Variants in EIF4ENIF1 observed in about 807,000 individuals in gnomAD.
EIF4ENIF1 encodes eukaryotic translation initiation factor 4E nuclear import factor 1, also known as eukaryotic translation initiation factor 4E transporter.
EIF4ENIF1 carries 23 observed loss-of-function variants against 110.5 expected under a neutral mutation model. The observed-to-expected ratio is 0.21, with a 90% CI of 0.15 to 0.29. EIF4ENIF1 has a LOEUF of 0.29. Among genes scored for constraint, EIF4ENIF1 ranks in the 10% least tolerant of loss-of-function variants. The pLI is 1.00. For missense variants in EIF4ENIF1, 1,031 were observed against 1,221.1 expected, an observed-to-expected ratio of 0.84 and a Z score of 2.32; for synonymous variants, 440 against 437.0, an observed-to-expected ratio of 1.01 and a Z score of -0.09.
Position 31,446,838 on chromosome 22 carries a change from CCTAA to C in EIF4ENIF1, c.1988+584_1988+587del, listed in dbSNP as rs552536706. The C allele has an allele frequency of 1.3e-3, 378 of 285,396 alleles. 2 individuals are homozygous for C. Among genetic ancestry groups the C allele is most frequent in the Admixed American group, 3.1e-3 (60 of 19,376 alleles). The allele number at this position is 285,396 out of a possible 1,614,324, so 17.7% of individuals were successfully genotyped here. On this transcript the variant is annotated intron_variant, in intron 14 of 18. Transcript: ENST00000330125. ...TATTGCCACTCCTTTCCCTTTTCTC[CCTAA>C]CTTATGATTAATTTCATTTTACCAT... is the stretch of plus-strand genomic sequence containing the variant.
intron 2 of EIF4ENIF1, among the ~76,000 whole-genome samples, chr22:31,478,515 CAAAAA>C (rs35883412): frequency 1.1e-5 from 1 of 87,730 alleles, no homozygotes; most frequent in Non-Finnish European, 2.1e-5. Context: ...GACTCTGTCT[CAAAAA>C]AAAAAAAAAA....
intron 2 of EIF4ENIF1, chr22:31,479,540 G>A (rs559883292): frequency 2.6e-5 from 4 of 152,170 alleles, no homozygotes; most frequent in East Asian, 1.9e-4. Context: ...AACATTATTC[G>A]TGGAAATACC....
chr22:31,465,580 A>C (rs1445032699), intron 4 of EIF4ENIF1, among the ~76,000 whole-genome samples: 1 of 152,234 alleles, frequency 6.6e-6, no homozygotes, highest in Non-Finnish European at 1.5e-5. Flanking sequence ...GTGGAAACGT[A>C]AAATGGTACA....
In EIF4ENIF1 at chr22:31,455,881, G is replaced by A. The variant is rs1169484945; in HGVS notation, c.1070C>T (p.Thr357Ile). The change falls in exon 8 of 19, where the codon ACA becomes ATA. Residue 357 changes from threonine to isoleucine, a missense_variant. Physicochemically the swap from Thr to Ile is moderately conservative, Grantham distance 89. This residue lies in a region of EIF4ENIF1 where 704 missense variants were observed against 879.7 expected (regional missense o/e 0.80). Transcript: ENST00000330125. ...SGSRSSSLGS[T>I]PHEELERLAG... ...AAGTCTCTCTAGCTCTTCATGTGGT[G>A]TTGACCCAAGACTGCTGGATCGGCT... The A allele has an allele frequency of 2.5e-6, 4 of 1,614,090 alleles. No individual in the cohort carries two copies. In the African/African-American group the frequency reaches 4.0e-5, roughly 16 times the overall value.
intron 2 of EIF4ENIF1, among the ~76,000 whole-genome samples, chr22:31,474,309 T>A (rs767422258): frequency 4.6e-5 from 7 of 151,974 alleles, no homozygotes; most frequent in Non-Finnish European, 8.8e-5. Context: ...GATCTGCCTG[T>A]CTCAGCCTCC....
rs770904708 is a variant in EIF4ENIF1 at position 31,464,675 on chromosome 22, CAAAAAAAAAAAAAAA to C, written c.299-723_299-709del. Among the ~76,000 whole-genome samples, 5 of 30,918 alleles carry C rather than the reference CAAAAAAAAAAAAAAA, an allele frequency of 1.6e-4. 1 individual carries two copies. The highest frequency in any genetic ancestry group is 1.4e-3 in the South Asian group (1 of 708). 20.3% of individuals were successfully genotyped at this position (30,918 alleles called of 152,430 possible). On this transcript the variant is annotated intron_variant, in intron 4 of 18. Coordinates refer to ENST00000330125, the MANE Select transcript of EIF4ENIF1 (RefSeq NM_019843.4). ...TGGGCAAAAGACTAAGATTCAGTCT[CAAAAAAAAAAAAAAA>C]AAAAAAAAAATATATATATATATAT...
chr22:31,456,661 T>TA (rs2050842056), intron 7 of EIF4ENIF1, among the ~76,000 whole-genome samples: 1 of 152,140 alleles, frequency 6.6e-6, no homozygotes, highest in Non-Finnish European at 1.5e-5. Flanking sequence ...ACTACAGGCA[T>TA]ACGCCACCAT....
Position 31,463,653 on chromosome 22 carries a change from A to T in EIF4ENIF1, c.585+28T>A. 1.1e-5 allele frequency: 6 copies of T among 529,704 alleles called. No homozygotes were observed. The South Asian group carries it at 1.6e-4, about 14-fold the overall frequency. The allele number at this position is 529,704 out of a possible 1,614,324, so 32.8% of individuals were successfully genotyped here. A position where few individuals can be genotyped will look rare whatever the true frequency, so the allele number is the denominator to read the frequency against. The stretch of plus-strand genomic sequence containing the variant: ...AAGAGCGAAACTCCGTCTCAATTTA[A>T]AAAAAAAAAAAAAAAAAAAAGACAA... On this transcript the variant is annotated intron_variant, in intron 5 of 18. Coordinates refer to ENST00000330125, the MANE Select transcript of EIF4ENIF1 (RefSeq NM_019843.4).
intron 11 of EIF4ENIF1, among the ~76,000 whole-genome samples, chr22:31,449,753 CAG>C (rs1389681985): frequency 1.4e-5 from 2 of 144,832 alleles, no homozygotes; most frequent in East Asian, 2.0e-4. Context: ...TTTTTTGAGA[CAG>C]AGTCTCACTC....
At chr22:31,442,887 G>C in intron 16 of EIF4ENIF1, 75 bp downstream of exon 16, 2 of 1,564,752 alleles carry the variant, frequency 1.3e-6, no homozygotes, top group Non-Finnish European at 1.7e-6. Flanking sequence ...AGAATATCAG[G>C]CTGGTCAGCG....
intron 10 of EIF4ENIF1, 73 bp from the exon 11 acceptor site, chr22:31,450,433 A>G (rs1212338090): frequency 8.0e-7 from 1 of 1,247,502 alleles, no homozygotes; most frequent in African/African-American, 1.5e-5. Flanking sequence ...GGGGACCACA[A>G]GAAAGCATAA....
At position 31,448,103 on chromosome 22, in the gene EIF4ENIF1, A is replaced by G. The variant is rs368102909; in HGVS notation, c.1848+50T>C. The G allele has an allele frequency of 2.8e-5, 44 of 1,592,876 alleles. No homozygotes were observed. The African/African-American group carries it at 4.8e-4, about 18-fold the overall frequency. ...TCAGCTCTCCACTCCCCATGCACCA[A>G]GAGGGTGAAGGGCAAGCAAGAGATT... On this transcript the variant is annotated intron_variant, in intron 13 of 18. Coordinates refer to ENST00000330125, the MANE Select transcript of EIF4ENIF1 (RefSeq NM_019843.4).
chr22:31,485,015 T>C (rs1361323225), intron 2 of EIF4ENIF1, among the ~76,000 whole-genome samples: 2 of 152,228 alleles, frequency 1.3e-5, no homozygotes, highest in African/African-American at 2.4e-5. Flanking sequence ...ATTATAGTGC[T>C]AGGAACACAT....
chr22:31,463,184 T>C, intron 5 of EIF4ENIF1, 51 bp from the exon 6 acceptor site: 1 of 1,565,658 alleles, frequency 6.4e-7, no homozygotes, highest in Non-Finnish European at 8.7e-7. Context: ...AAGCCATTTC[T>C]ACTTCAGTCA....
At chr22:31,439,042 TTAACTTAC>T (rs2050216937), downstream of EIF4ENIF1, among the ~76,000 whole-genome samples, 1 of 152,198 alleles carries the variant, frequency 6.6e-6, no homozygotes, top group Non-Finnish European at 1.5e-5. Context: ...CAAGAAAAAC[TTAACTTAC>T]TTAAACTTCA....
intron 2 of EIF4ENIF1, among the ~76,000 whole-genome samples, chr22:31,485,022 A>G (rs2051966737): frequency 6.6e-6 from 1 of 152,214 alleles, no homozygotes; most frequent in Non-Finnish European, 1.5e-5. Context: ...TGCTAGGAAC[A>G]CATAATCATT....
downstream of EIF4ENIF1, chr22:31,437,172 G>A (rs2050182905): frequency 1.3e-5 from 2 of 152,098 alleles, no homozygotes; most frequent in South Asian, 2.1e-4. Context: ...CCTTTGGGAG[G>A]GACTATTCTT....
downstream of EIF4ENIF1, chr22:31,439,295 G>A (rs950300195): frequency 1.3e-5 from 2 of 153,312 alleles, no homozygotes; most frequent in Admixed American, 1.3e-4. Flanking sequence ...GGGTGACACA[G>A]AGTGAGACCC....
intron 10 of EIF4ENIF1, chr22:31,450,749 TAC>T (rs1569072901): frequency 1.5e-5 from 4 of 263,730 alleles, no homozygotes; most frequent in Admixed American, 5.2e-5. Flanking sequence ...CACTCATATA[TAC>T]ACACATACAT....
Sources: gnomAD v4.1 joint callset for allele counts (sites outside exome capture counted in the v4.1 genomes callset) on GRCh38, gnomAD v4.1.1 for gene constraint, gnomAD v4.1.1 regional missense constraint, MANE v1.5 for transcripts, NCBI Gene and HGNC (gene_info 2026-07-23, HGNC 2026-07-21) for gene names.